Variants in MNAT1 observed in about 807,000 individuals in gnomAD.
The protein encoded by MNAT1 is MNAT1 component of CDK activating kinase, also known as CDK-activating kinase assembly factor MAT1.
Under a neutral mutation model 42.0 loss-of-function variants are expected in MNAT1, and 43 were observed. The observed-to-expected ratio is 1.02, with a 90% confidence interval of 0.80 to 1.32. MNAT1 has a LOEUF of 1.32. Ranked by LOEUF, MNAT1 falls within the 40% of genes most tolerant of loss-of-function variation. MNAT1 has a pLI of 0.00. For synonymous variants in MNAT1, 118 were observed against 120.0 expected, an observed-to-expected ratio of 0.98 and a Z score of 0.11; for missense variants, 306 against 350.4, an observed-to-expected ratio of 0.87 and a Z score of 1.01.
chr14:60,882,386 T>C (rs2034571611), intron 7 of MNAT1, among the ~76,000 whole-genome samples: 1 of 152,154 alleles, frequency 6.6e-6, no homozygotes, highest in African/African-American at 2.4e-5. Context: ...ACCAGTTCCA[T>C]GTATGTTGTT....
intron 6 of MNAT1, among the ~76,000 whole-genome samples, chr14:60,856,329 A>T (rs558904784): frequency 1.3e-5 from 2 of 152,336 alleles, no homozygotes; most frequent in African/African-American, 4.8e-5. Context: ...CAGTCATACC[A>T]TATTCCCTTA....
intron 6 of MNAT1, among the ~76,000 whole-genome samples, chr14:60,873,881 T>C (rs1365123438): frequency 6.6e-6 from 1 of 152,224 alleles, no homozygotes; most frequent in East Asian, 1.9e-4. Flanking sequence ...TATGTTATAA[T>C]TGAACTGATG....
At chr14:60,776,047 G>T (rs923408659) in intron 1 of MNAT1, among the ~76,000 whole-genome samples, 1 of 152,198 alleles carries the variant, frequency 6.6e-6, no homozygotes, top group Non-Finnish European at 1.5e-5. Context: ...TCATGGACTG[G>T]TAGATAGATG....
At chr14:60,904,536 A>G (rs1205292644) in intron 7 of MNAT1, among the ~76,000 whole-genome samples, 1 of 152,142 alleles carries the variant, frequency 6.6e-6, no homozygotes, top group Non-Finnish European at 1.5e-5. Context: ...GCAGTTGTCA[A>G]ACAATCTTCT....
intron 7 of MNAT1, among the ~76,000 whole-genome samples, chr14:60,885,758 G>A (rs1239888543): frequency 6.6e-6 from 1 of 151,948 alleles, no homozygotes; most frequent in East Asian, 1.9e-4. Flanking sequence ...GTTGTCTAGA[G>A]CTTTTTAGTT....
In MNAT1 at chr14:60,968,654, A is replaced by T. The variant is rs979843810; in HGVS notation, c.*305A>T. 14 of 598,568 alleles carry T rather than the reference A, an allele frequency of 2.3e-5. No individual in the cohort carries two copies. The highest frequency in any genetic ancestry group is 1.1e-4 in the Admixed American group (3 of 26,434). 37.1% of individuals were successfully genotyped at this position (598,568 alleles called of 1,614,324 possible). ...TGTGACAGACTTATAAAATCTTTTTAAAAAATAAAGCTATAATTTATATTA... is the reference window on the plus strand; with the variant it reads ...TGTGACAGACTTATAAAATCTTTTTTAAAAATAAAGCTATAATTTATATTA... On this transcript the variant is annotated 3_prime_UTR_variant, in exon 8 of 8. Coordinates refer to ENST00000261245, the MANE Select transcript of MNAT1 (RefSeq NM_002431.4).
chr14:60,894,359 T>C (rs2034908155), intron 7 of MNAT1, among the ~76,000 whole-genome samples: 2 of 152,106 alleles, frequency 1.3e-5, no homozygotes, highest in Non-Finnish European at 2.9e-5. Flanking sequence ...TTTCATGGAA[T>C]ATCCTCCTCA....
chr14:60,784,656 G>T (rs1039456474), intron 1 of MNAT1, among the ~76,000 whole-genome samples: 1 of 151,500 alleles, frequency 6.6e-6, no homozygotes, highest in Non-Finnish European at 1.5e-5. Flanking sequence ...GTAGAGATGG[G>T]GTTTCTACAT....
chr14:60,966,491 A>G (rs2036685622), intron 7 of MNAT1, among the ~76,000 whole-genome samples: 1 of 152,058 alleles, frequency 6.6e-6, no homozygotes, highest in Non-Finnish European at 1.5e-5. Context: ...GATACAGTAT[A>G]TGGAGAAAAT....
At chr14:60,956,587 C>T (rs185338079) in intron 7 of MNAT1, among the ~76,000 whole-genome samples, 5 of 152,238 alleles carry the variant, frequency 3.3e-5, no homozygotes, top group South Asian at 2.1e-4. Flanking sequence ...ATCCATTGTT[C>T]GAAGTGAAAT....
At chr14:60,824,084 G>A (rs1160543936) in intron 6 of MNAT1, among the ~76,000 whole-genome samples, 1 of 152,076 alleles carries the variant, frequency 6.6e-6, no homozygotes, top group African/African-American at 2.4e-5. Context: ...TTGAACCAGG[G>A]CGGCAGAGGT....
chr14:60,864,131 A>G (rs947738883), intron 6 of MNAT1, among the ~76,000 whole-genome samples: 31 of 152,148 alleles, frequency 2.0e-4, no homozygotes, highest in African/African-American at 6.7e-4. Flanking sequence ...TGAATGTGTT[A>G]TGGAAAAATT....
intron 7 of MNAT1, among the ~76,000 whole-genome samples, chr14:60,912,917 G>A (rs986472346): frequency 8.5e-5 from 13 of 152,332 alleles, no homozygotes; most frequent in African/African-American, 2.9e-4. Context: ...ATCCTGCAGA[G>A]TGTTTTCCAG....
chr14:60,813,447 C>T (rs2032617874), intron 5 of MNAT1, among the ~76,000 whole-genome samples: 1 of 152,156 alleles, frequency 6.6e-6, no homozygotes, highest in Non-Finnish European at 1.5e-5. Context: ...TGTGATTGTA[C>T]TTCTCACATG....
At chr14:60,948,398 A>T (rs2036322426) in intron 7 of MNAT1, among the ~76,000 whole-genome samples, 1 of 152,124 alleles carries the variant, frequency 6.6e-6, no homozygotes, top group African/African-American at 2.4e-5. Context: ...CACCAGCCTG[A>T]GTGACAGAGC....
At chr14:60,741,657 G>GTTTTTT (rs1566747118) in intron 1 of MNAT1, among the ~76,000 whole-genome samples, 3 of 20,904 alleles carry the variant, frequency 1.4e-4, no homozygotes, top group Non-Finnish European at 2.7e-4. Context: ...CTGCGCCTGG[G>GTTTTTT]GTTTTTTTTT....
At chr14:60,834,877 T>C (rs1243424162) in intron 6 of MNAT1, among the ~76,000 whole-genome samples, 1 of 152,012 alleles carries the variant, frequency 6.6e-6, no homozygotes, top group Non-Finnish European at 1.5e-5. Flanking sequence ...ATATTTAGGA[T>C]AGTTAGCTCT....
At chr14:60,893,054 G>T (rs552991680) in intron 7 of MNAT1, among the ~76,000 whole-genome samples, 29 of 152,064 alleles carry the variant, frequency 1.9e-4, no homozygotes, top group Non-Finnish European at 3.7e-4. Flanking sequence ...AAAGATATTA[G>T]TCTCTTAAAT....
intron 1 of MNAT1, among the ~76,000 whole-genome samples, chr14:60,736,510 CTT>C (rs1189447739): frequency 5.9e-5 from 9 of 152,118 alleles, no homozygotes; most frequent in Admixed American, 5.9e-4. Flanking sequence ...AGAGTTAAGA[CTT>C]TTGTCTAATT....
Sources: allele counts gnomAD v4.1 joint callset (sites outside exome capture counted in the v4.1 genomes callset), GRCh38; gene constraint gnomAD v4.1.1; transcripts MANE v1.5; gene names NCBI Gene and HGNC (gene_info 2026-07-23, HGNC 2026-07-21).